The following PPP2R5C variants were observed in gnomAD, a reference collection of about 807,000 sequenced individuals.
The protein encoded by PPP2R5C is protein phosphatase 2 regulatory subunit B'gamma, also known as serine/threonine-protein phosphatase 2A 56 kDa regulatory subunit gamma isoform.
Under a neutral mutation model 68.9 loss-of-function variants are expected in PPP2R5C, and 7 were observed. The ratio of observed to expected loss-of-function variants is 0.10; its 90% confidence interval spans 0.06 to 0.19. The LOEUF is 0.19. Ranked by LOEUF, PPP2R5C falls within the 10% of genes least tolerant of loss-of-function variation. The pLI is 1.00. For synonymous variants in PPP2R5C, 210 were observed against 222.2 expected (o/e 0.95, Z 0.49); for missense variants, 348 against 641.3 (o/e 0.54, Z 4.94).
chr14:101,845,084 A>G (rs1276934139), intron 1 of PPP2R5C, among the ~76,000 whole-genome samples: 1 of 151,638 alleles, frequency 6.6e-6, no homozygotes, highest in East Asian at 1.9e-4. Flanking sequence ...GCTGTGCTGG[A>G]TTTATATCTT....
intron 3 of PPP2R5C, 118 bp downstream of exon 3, chr14:101,786,301 C>A: frequency 1.1e-5 from 10 of 918,190 alleles, no homozygotes; most frequent in Non-Finnish European, 1.5e-5. Flanking sequence ...GTCATCTTTT[C>A]TGTATTGAGG....
chr14:101,896,447 T>C (rs2045330696), intron 8 of PPP2R5C, among the ~76,000 whole-genome samples: 1 of 152,026 alleles, frequency 6.6e-6, no homozygotes, highest in South Asian at 2.1e-4. Flanking sequence ...TCTGTATATC[T>C]TCTTGGCCGG....
rs530512283 is a variant in PPP2R5C at position 101,823,745 on chromosome 14, C to T, written c.94+13709C>T. The T allele has an allele frequency of 3.9e-5, 41 of 1,038,804 alleles. No homozygotes were observed. The South Asian group carries it at 5.6e-4, about 14-fold the overall frequency. The allele number at this position is 1,038,804 out of a possible 1,614,324, so 64.3% of individuals were successfully genotyped here. On this transcript the variant is annotated intron_variant, in intron 1 of 13. Coordinates refer to ENST00000334743, the Ensembl canonical transcript of PPP2R5C. ...ACCAGCACTTGGGTTTTCTGACTCA[C>T]GGTTCTGGGCTCACCCCTCTCTGAG...
At chr14:101,901,629 G>A in intron 8 of PPP2R5C, 90 bp from the exon 11 acceptor site, 2 of 1,341,176 alleles carry the variant, frequency 1.5e-6, no homozygotes, top group East Asian at 2.3e-5. Context: ...CCTTGCAGTG[G>A]GGCCACCGCA....
chr14:101,876,623 T>G (rs1394786250), intron 2 of PPP2R5C, among the ~76,000 whole-genome samples: 1 of 152,158 alleles, frequency 6.6e-6, no homozygotes, highest in African/African-American at 2.4e-5. Context: ...ATTTAGCAAT[T>G]TGGAGAACAT....
chr14:101,787,205 G>A (rs994637662), intron 3 of PPP2R5C, among the ~76,000 whole-genome samples: 1 of 152,244 alleles, frequency 6.6e-6, no homozygotes, highest in East Asian at 1.9e-4. Flanking sequence ...AACCATGATC[G>A]TGCCACTGCA....
intron 1 of PPP2R5C, among the ~76,000 whole-genome samples, chr14:101,834,330 C>T (rs766607434): frequency 1.3e-5 from 2 of 152,160 alleles, no homozygotes; most frequent in Non-Finnish European, 2.9e-5. Flanking sequence ...GCAGCAGTGA[C>T]GGCAGCACTG....
exon 3 of PPP2R5C, chr14:101,786,131 A>C: frequency 1.9e-6 from 3 of 1,591,036 alleles, no homozygotes; most frequent in Non-Finnish European, 2.6e-6. Flanking sequence ...AAAATTCTTC[A>C]AGGTTTAGCG....
chr14:101,826,532 G>A (rs2040408831), intron 1 of PPP2R5C, among the ~76,000 whole-genome samples: 1 of 152,112 alleles, frequency 6.6e-6, no homozygotes, highest in Non-Finnish European at 1.5e-5. Flanking sequence ...CTTGATTACT[G>A]TAGCTCTGTT....
At chr14:101,776,697 C>G (rs2037437468) in intron 2 of PPP2R5C, among the ~76,000 whole-genome samples, 1 of 152,058 alleles carries the variant, frequency 6.6e-6, no homozygotes, top group Admixed American at 6.6e-5. Context: ...CACCAGCAGT[C>G]ACTCCTCACT....
chr14:101,831,250 C>G (rs1323489207), intron 1 of PPP2R5C, among the ~76,000 whole-genome samples: 3 of 152,130 alleles, frequency 2.0e-5, no homozygotes, highest in Non-Finnish European at 4.4e-5. Context: ...GATATGTTGG[C>G]ATGGATATCT....
At chr14:101,919,687 G>A (rs2046899965) in intron 13 of PPP2R5C, among the ~76,000 whole-genome samples, 1 of 152,156 alleles carries the variant, frequency 6.6e-6, no homozygotes. Context: ...CCAATTCTTG[G>A]CCGGGTGTGG....
intron 5 of PPP2R5C, among the ~76,000 whole-genome samples, chr14:101,887,850 C>T (rs1305857416): frequency 6.6e-6 from 1 of 152,116 alleles, no homozygotes; most frequent in Non-Finnish European, 1.5e-5. Context: ...ACTTCTATAG[C>T]CAGCAGGTTC....
chr14:101,909,653 G>C (rs2046274858), exon 11 of PPP2R5C: 1 of 1,610,454 alleles, frequency 6.2e-7, no homozygotes. Flanking sequence ...AAAGCTATTT[G>C]ATGACTGTAC....
chr14:101,815,169 G>C (rs1352823674), intron 1 of PPP2R5C, among the ~76,000 whole-genome samples: 1 of 151,872 alleles, frequency 6.6e-6, no homozygotes, highest in Non-Finnish European at 1.5e-5. Flanking sequence ...TGTCCCCCCG[G>C]GAGAAAAAAG....
Position 101,877,387 on chromosome 14 carries a change from G to T in PPP2R5C, c.295-4774G>T, listed in dbSNP as rs144335763. Among the ~76,000 whole-genome samples the T allele has an allele frequency of 2.6e-4, 39 of 152,244 alleles. 1 individual carries two copies. The East Asian group carries it at 7.3e-3, about 29-fold the overall frequency. The stretch of plus-strand genomic sequence containing the variant: ...CCTTTGTTGGGCAGCGTGATTCTGC[G>T]TCTGTGCCTCTGGGTGTGCGCTGGA... On this transcript the variant is annotated intron_variant, in intron 2 of 13. Coordinates refer to ENST00000334743, the Ensembl canonical transcript of PPP2R5C. This position sits in a 1 kb window ranked among gnomAD's most constrained non-coding sequence, Gnocchi z 4.2.
intron 1 of PPP2R5C, among the ~76,000 whole-genome samples, chr14:101,829,721 C>G (rs1026333634): frequency 2.9e-4 from 44 of 152,154 alleles, no homozygotes; most frequent in African/African-American, 9.9e-4. Context: ...CTGATTACAG[C>G]GGGAGCAGGC....
At chr14:101,809,288 GTGTT>G (rs1444949484), upstream of PPP2R5C, among the ~76,000 whole-genome samples, 3 of 151,722 alleles carry the variant, frequency 2.0e-5, no homozygotes, top group Non-Finnish European at 4.4e-5. Context: ...AAGAAAAAAA[GTGTT>G]TGGGATCATA....
intron 3 of PPP2R5C, among the ~76,000 whole-genome samples, chr14:101,787,486 G>A (rs1264172953): frequency 6.6e-6 from 1 of 152,050 alleles, no homozygotes; most frequent in African/African-American, 2.4e-5. Flanking sequence ...GTTCTCGGCC[G>A]GGCGCAGTGG....
Sources: allele counts gnomAD v4.1 joint callset (sites outside exome capture counted in the v4.1 genomes callset), GRCh38; gene constraint gnomAD v4.1.1; non-coding constraint Gnocchi (gnomAD v3.1); transcripts MANE v1.5; gene names NCBI Gene and HGNC (gene_info 2026-07-23, HGNC 2026-07-21).